The following MSH4 variants were observed in gnomAD, a reference collection of about 807,000 sequenced individuals.
The protein encoded by MSH4 is mutS homolog 4, also known as mutS protein homolog 4.
A neutral mutation model predicts 113.7 loss-of-function variants in MSH4; 106 were observed. The observed-to-expected ratio is 0.93, with a 90% CI of 0.80 to 1.10. MSH4 has a LOEUF of 1.10. MSH4 is among the 50% of genes least tolerant of loss of function. MSH4 has a pLI of 0.00. For missense variants in MSH4, 1,061 were observed against 1,093.7 expected (o/e 0.97, Z 0.42); for synonymous variants, 368 against 380.2 (o/e 0.97, Z 0.37).
At chr1:75,852,411 T>C (rs2881785) in intron 8 of MSH4, among the ~76,000 whole-genome samples, 41,072 of 152,090 alleles carry the variant, frequency 0.27, 5,833 homozygotes, top group Middle Eastern at 0.37. Context: ...ATGGAATTGC[T>C]GGGTCATGTG....
chr1:75,878,970 T>G, intron 11 of MSH4, 22 bp from the exon 12 acceptor site: 1 of 1,588,798 alleles, frequency 6.3e-7, no homozygotes, highest in Non-Finnish European at 8.6e-7. Context: ...TTGTTTTTGT[T>G]TTTCTTGTTT....
At position 75,881,115 on chromosome 1, in the gene MSH4, T is replaced by G. The variant is rs1651922182; in HGVS notation, c.1782-131T>G. The G allele has an allele frequency of 9.3e-6, 6 of 642,526 alleles. No individual in the cohort carries two copies. The South Asian group carries it at 2.0e-4, about 22-fold the overall frequency. The allele number at this position is 642,526 out of a possible 1,614,324, so 39.8% of individuals were successfully genotyped here. On this transcript the variant is annotated intron_variant, in intron 13 of 19. Transcript: ENST00000263187. ...AAATGAGACAGATGAACAATAGGCT[T>G]TATCTATAGTGTATAACTCAGATGT...
chr1:75,841,157 TTCCC>T (rs5745393), intron 7 of MSH4, among the ~76,000 whole-genome samples: 77,222 of 132,222 alleles, frequency 0.58, 23,913 homozygotes, highest in East Asian at 0.96. Flanking sequence ...AGTCATTTCC[TTCCC>T]TCCCTCCCTC....
intron 1 of MSH4, among the ~76,000 whole-genome samples, chr1:75,800,615 A>G (rs1649914056): frequency 7.1e-6 from 1 of 140,698 alleles, no homozygotes; most frequent in Admixed American, 7.0e-5. Context: ...TCTAGCACTC[A>G]GTCACTGAGT....
intron 10 of MSH4, among the ~76,000 whole-genome samples, chr1:75,877,373 G>C (rs1651837958): frequency 6.6e-6 from 1 of 152,044 alleles, no homozygotes; most frequent in African/African-American, 2.4e-5. Flanking sequence ...TATAAATATT[G>C]AATACAATCT....
chr1:75,888,828 T>TA (rs1317199124), intron 15 of MSH4, among the ~76,000 whole-genome samples: 1 of 152,098 alleles, frequency 6.6e-6, no homozygotes, highest in Non-Finnish European at 1.5e-5. Flanking sequence ...GTCTGTTTGT[T>TA]ATGTACTTGA....
At chr1:75,809,897 C>T (rs542452508) in intron 3 of MSH4, among the ~76,000 whole-genome samples, 2 of 152,182 alleles carry the variant, frequency 1.3e-5, no homozygotes, top group Admixed American at 1.3e-4. Flanking sequence ...GTGATGCAGT[C>T]GCCTTGGCCT....
chr1:75,875,359 G>C (rs993729936), intron 9 of MSH4, among the ~76,000 whole-genome samples: 4 of 152,190 alleles, frequency 2.6e-5, no homozygotes, highest in South Asian at 2.1e-4. Context: ...AAAAATGTGT[G>C]ATGGGCTTAT....
At chr1:75,887,715 C>T (rs552828940) in intron 15 of MSH4, among the ~76,000 whole-genome samples, 1 of 152,132 alleles carries the variant, frequency 6.6e-6, no homozygotes, top group East Asian at 1.9e-4. Context: ...TAATCTTTGC[C>T]CTAAATTAGC....
chr1:75,894,608 T>C (rs1017454101), intron 17 of MSH4, among the ~76,000 whole-genome samples: 3 of 152,238 alleles, frequency 2.0e-5, no homozygotes, highest in Admixed American at 2.0e-4. Flanking sequence ...TCTGTATGTG[T>C]AATGTTTCTG....
intron 15 of MSH4, among the ~76,000 whole-genome samples, chr1:75,887,880 A>C (rs1652160908): frequency 6.6e-6 from 1 of 151,922 alleles, no homozygotes; most frequent in Non-Finnish European, 1.5e-5. Flanking sequence ...TATTTTCAGC[A>C]AACATTTATC....
chr1:75,871,540 A>G (rs1207251434), intron 9 of MSH4, among the ~76,000 whole-genome samples: 1 of 152,236 alleles, frequency 6.6e-6, no homozygotes, highest in East Asian at 1.9e-4. Context: ...AATTAAAACC[A>G]TAGTTCTTAT....
chr1:75,833,215 A>G (rs1650745770), intron 7 of MSH4, among the ~76,000 whole-genome samples: 1 of 152,196 alleles, frequency 6.6e-6, no homozygotes, highest in African/African-American at 2.4e-5. Flanking sequence ...ATACCTAGGA[A>G]TCCAACTTAT....
At chr1:75,884,147 G>A (rs1557522800) in intron 15 of MSH4, among the ~76,000 whole-genome samples, 1 of 152,100 alleles carries the variant, frequency 6.6e-6, no homozygotes, top group African/African-American at 2.4e-5. Flanking sequence ...AACAAAGTTT[G>A]TTGTGAGAAA....
chr1:75,906,776 T>C (rs893488937), intron 19 of MSH4, among the ~76,000 whole-genome samples: 2 of 149,746 alleles, frequency 1.3e-5, no homozygotes, highest in Non-Finnish European at 3.0e-5. Flanking sequence ...TACACCTTCT[T>C]ATATTGTCTA....
At chr1:75,868,657 A>G (rs1329549705) in intron 9 of MSH4, among the ~76,000 whole-genome samples, 2 of 152,202 alleles carry the variant, frequency 1.3e-5, no homozygotes, top group African/African-American at 4.8e-5. Context: ...ACTGGTGGAG[A>G]TAATTGAATC....
chr1:75,902,575 A>G (rs1652527512), intron 19 of MSH4, among the ~76,000 whole-genome samples: 1 of 150,034 alleles, frequency 6.7e-6, no homozygotes. Flanking sequence ...GGTTTTCTTT[A>G]TGCAGTCAAC....
chr1:75,874,782 G>A (rs78748984), intron 9 of MSH4, among the ~76,000 whole-genome samples: 42,990 of 152,096 alleles, frequency 0.28, 6,364 homozygotes, highest in Middle Eastern at 0.37. Flanking sequence ...TGACTTTGTA[G>A]GATTCCATAT....
intron 6 of MSH4, among the ~76,000 whole-genome samples, chr1:75,822,056 C>T (rs567954559): frequency 6.6e-5 from 10 of 152,138 alleles, no homozygotes; most frequent in South Asian, 2.1e-4. Context: ...CCAAGGCAGG[C>T]GGATCACAAG....
Sources: allele counts gnomAD v4.1 joint callset (sites outside exome capture counted in the v4.1 genomes callset), GRCh38; gene constraint gnomAD v4.1.1; transcripts MANE v1.5; gene names NCBI Gene and HGNC (gene_info 2026-07-23, HGNC 2026-07-21).